Variants in MTOR observed in about 807,000 individuals in gnomAD.
MTOR encodes the protein serine/threonine-protein kinase mTOR.
A neutral mutation model predicts 319.8 loss-of-function variants in MTOR; 70 were observed. The observed-to-expected ratio is 0.22, with a 90% CI of 0.18 to 0.27. The LOEUF is 0.27. MTOR is among the 10% of genes least tolerant of loss of function. The pLI is 1.00. For synonymous variants in MTOR, 1,183 were observed against 1,211.4 expected, an observed-to-expected ratio of 0.98 and a Z score of 0.49; for missense variants, 1,890 against 3,274.4, an observed-to-expected ratio of 0.58 and a Z score of 10.32.
Position 11,243,121 on chromosome 1 carries a change from C to T in MTOR, c.1405G>A (p.Ala469Thr), listed in dbSNP as rs763879621. Residue 469 changes from alanine to threonine, a missense_variant, in exon 9 of 58, where the codon GCC (alanine) becomes ACC (threonine). Physicochemically the swap from Ala to Thr is moderately conservative, Grantham distance 58. This residue lies in a region of MTOR where 418 missense variants were observed against 543.1 expected (regional missense o/e 0.77). Transcript: ENST00000361445. ...IRAALPPKDF[A>T]HKRQKAMQVD... ...CATAACAGAGGTGCTTACTTATGGG[C>T]GAAGTCCTTTGGGGGCAGGGCCGCT... 2.5e-5 allele frequency: 41 copies of T among 1,613,934 alleles called. No homozygotes were observed. The highest frequency in any genetic ancestry group is 1.7e-4 in the Middle Eastern group (1 of 6,054).
chr1:11,237,821 G>C (rs553297885), intron 13 of MTOR, 22 bp downstream of exon 13: 1 of 1,613,352 alleles, frequency 6.2e-7, no homozygotes, highest in East Asian at 2.2e-5. Flanking sequence ...CTGCCTGTGG[G>C]TCTGGCCATC....
rs1357094216 is a variant in MTOR at position 11,255,975 on chromosome 1, T to C, written c.705+17A>G. On this transcript the variant is annotated intron_variant, in intron 5 of 57. Transcript: ENST00000361445. ...AGATGTGCTTTGCTAGTGGTGGGAA[T>C]GGAGCCATCTCCTTACCCTGTACCA... 3.7e-6 allele frequency: 6 copies of C among 1,607,450 alleles called. No homozygotes were observed. Among genetic ancestry groups the C allele is most frequent in the Non-Finnish European group, 5.1e-6 (6 of 1,175,322 alleles).
At chr1:11,179,892 G>C (rs1239021808) in intron 28 of MTOR, among the ~76,000 whole-genome samples, 2 of 152,196 alleles carry the variant, frequency 1.3e-5, no homozygotes, top group Non-Finnish European at 2.9e-5. Context: ...AAGTCAGCAC[G>C]AACATAGAAG....
At position 11,128,313 on chromosome 1, in the gene MTOR, C is replaced by T. The variant is rs1035262348; in HGVS notation, c.5910+141G>A. Reference sequence around the variant, plus strand: ...AGCAAGGCTCCCGGGCCCTCTGGGACGGCTGGCTGGACAGACCCTCCTGGG... The same window carrying T: ...AGCAAGGCTCCCGGGCCCTCTGGGATGGCTGGCTGGACAGACCCTCCTGGG... On this transcript the variant is annotated intron_variant, in intron 42 of 57. Coordinates refer to ENST00000361445, the MANE Select transcript of MTOR (RefSeq NM_004958.4). This position sits in a 1 kb window ranked among gnomAD's most constrained non-coding sequence, Gnocchi z 5.3. 17 of 1,220,296 alleles carry T rather than the reference C, an allele frequency of 1.4e-5. No homozygotes were observed. Among genetic ancestry groups the T allele is most frequent in the South Asian group, 2.9e-5 (2 of 70,170 alleles). 75.6% of individuals were successfully genotyped at this position (1,220,296 alleles called of 1,614,324 possible).
rs766678168 is a variant in MTOR at position 11,121,966 on chromosome 1, C to A, written c.6810+13G>T. 4 of 1,613,368 alleles carry A rather than the reference C, an allele frequency of 2.5e-6. No homozygotes were observed. Among genetic ancestry groups the A allele is most frequent in the Non-Finnish European group, 3.4e-6 (4 of 1,179,700 alleles). On this transcript the variant is annotated intron_variant, in intron 48 of 57. Coordinates refer to ENST00000361445, the MANE Select transcript of MTOR (RefSeq NM_004958.4). The surrounding 1 kb of genome is among the most constrained non-coding windows in gnomAD (Gnocchi z 4.9). ...ACGGAAGGGGCACTAGCTCTCGTGG[C>A]CGCATCACATACCCGCAACATGATG...
chr1:11,232,389 G>C (rs2100872392), intron 16 of MTOR, 47 bp downstream of exon 16: 1 of 1,449,794 alleles, frequency 6.9e-7, no homozygotes, highest in Non-Finnish European at 9.7e-7. Flanking sequence ...CAAAGTCCCT[G>C]GACTCATGGG....
chr1:11,165,965 A>G (rs910541248), intron 29 of MTOR, among the ~76,000 whole-genome samples: 3 of 152,248 alleles, frequency 2.0e-5, no homozygotes, highest in Admixed American at 2.0e-4. Context: ...CTGATCTTTG[A>G]CAAACCTGAC....
Position 11,213,576 on chromosome 1 carries a change from G to C in MTOR, c.3118-10C>G, listed in dbSNP as rs551081884. Reference sequence around the variant, plus strand: ...TCATGACCCAGAATTCCTACAAAGAGAGAAAAGTCAGAGGAGCTGAGTCAG... The same window carrying C: ...TCATGACCCAGAATTCCTACAAAGACAGAAAAGTCAGAGGAGCTGAGTCAG... On this transcript the variant is annotated splice_polypyrimidine_tract_variant and intron_variant, in intron 20 of 57. Transcript: ENST00000361445. 5 of 1,612,470 alleles carry C rather than the reference G, an allele frequency of 3.1e-6. No individual in the cohort carries two copies. Among genetic ancestry groups the C allele is most frequent in the Non-Finnish European group, 4.2e-6 (5 of 1,179,266 alleles).
At chr1:11,139,252 A>C (rs368234761) in intron 36 of MTOR, 52 bp downstream of exon 36, 19 of 1,552,142 alleles carry the variant, frequency 1.2e-5, no homozygotes, top group Non-Finnish European at 1.6e-5. Context: ...GAAGCAGATT[A>C]GGCGAGCATT....
intron 36 of MTOR, among the ~76,000 whole-genome samples, chr1:11,135,720 C>T (rs778739208): frequency 6.6e-6 from 1 of 151,468 alleles, no homozygotes; most frequent in South Asian, 2.1e-4. Flanking sequence ...GTAATCCCAG[C>T]TATTTGGGAG....
chr1:11,204,853 A>C (rs893411527), intron 25 of MTOR, 150 bp from the exon 26 acceptor site: 1 of 979,166 alleles, frequency 1.0e-6, no homozygotes, highest in African/African-American at 1.7e-5. Flanking sequence ...CAAAAGAATA[A>C]TATTTAATTA....
At chr1:11,240,277 T>TG (rs1219870069) in intron 11 of MTOR, 26 bp downstream of exon 11, 15 of 1,528,684 alleles carry the variant, frequency 9.8e-6, no homozygotes, top group Non-Finnish European at 1.1e-5. Flanking sequence ...CTCACTATCT[T>TG]GGCAAGAGCC....
At chr1:11,176,741 G>A (rs753657423) in intron 28 of MTOR, among the ~76,000 whole-genome samples, 5 of 152,184 alleles carry the variant, frequency 3.3e-5, no homozygotes, top group Admixed American at 6.5e-5. Context: ...GTAACTGCTT[G>A]AGATTCTCCT....
intron 23 of MTOR, among the ~76,000 whole-genome samples, chr1:11,211,201 T>C (rs899753330): frequency 9.2e-5 from 14 of 152,340 alleles, no homozygotes; most frequent in Non-Finnish European, 7.3e-5. Flanking sequence ...AGATCTTATT[T>C]TTCCTGTGTT....
chr1:11,178,980 G>A (rs1447560838), intron 28 of MTOR, among the ~76,000 whole-genome samples: 2 of 152,162 alleles, frequency 1.3e-5, no homozygotes, highest in Non-Finnish European at 2.9e-5. Flanking sequence ...AAGGAGTTGG[G>A]CCACAGTGTA....
At chr1:11,237,452 G>A (rs369966852) in intron 13 of MTOR, among the ~76,000 whole-genome samples, 2 of 152,200 alleles carry the variant, frequency 1.3e-5, no homozygotes, top group South Asian at 2.1e-4. Context: ...AACGGCCTCC[G>A]TGCTTGACCT....
chr1:11,160,968 A>C (rs1458981527), intron 29 of MTOR, among the ~76,000 whole-genome samples: 1 of 152,168 alleles, frequency 6.6e-6, no homozygotes. Flanking sequence ...ATGGAATGTA[A>C]GCCAAAGCAG....
intron 34 of MTOR, among the ~76,000 whole-genome samples, chr1:11,139,960 G>C: frequency 6.6e-6 from 1 of 152,190 alleles, no homozygotes; most frequent in Non-Finnish European, 1.5e-5. Context: ...AAAGTGCTGG[G>C]ATTACAGGCG....
In MTOR at chr1:11,247,871, G is replaced by A. The variant is rs770623792; in HGVS notation, c.1064C>T (p.Thr355Ile). ...FGTSPSPAKSTLVESRCCRDL... is the reference protein window; with the variant it reads ...FGTSPSPAKSILVESRCCRDL... ...TCTGCAACACCGGCTCTCCACCAGG[G>A]TGGACTTAGCTGGACTGGGGGAGGT... The change falls in exon 7 of 58, where the codon ACC (threonine) becomes ATC (isoleucine). Residue 355 changes from threonine to isoleucine, a missense_variant. Transcript: ENST00000361445. 21 of 1,614,052 alleles carry A rather than the reference G, an allele frequency of 1.3e-5. No individual in the cohort carries two copies. The highest frequency in any genetic ancestry group is 2.2e-5 in the East Asian group (1 of 44,894).
Sources: gnomAD v4.1 joint callset for allele counts (sites outside exome capture counted in the v4.1 genomes callset) on GRCh38, gnomAD v4.1.1 for gene constraint, gnomAD v4.1.1 regional missense constraint, Gnocchi (gnomAD v3.1) non-coding constraint, MANE v1.5 for transcripts, NCBI Gene and HGNC (gene_info 2026-07-23, HGNC 2026-07-21) for gene names.